The following VEPH1 variants were observed in gnomAD, a reference collection of about 807,000 sequenced individuals.
VEPH1 encodes the protein ventricular zone expressed PH domain containing 1.
A neutral mutation model predicts 85.2 loss-of-function variants in VEPH1; 80 were observed. The observed-to-expected ratio is 0.94, with a 90% CI of 0.78 to 1.13. The LOEUF (loss-of-function observed/expected upper bound fraction) is 1.13, where lower values mean the gene tolerates loss of function less well. VEPH1 is among the 50% of genes most tolerant of loss of function. VEPH1 has a pLI of 0.00. For synonymous variants in VEPH1, 297 were observed against 348.0 expected, an observed-to-expected ratio of 0.85 and a Z score of 1.63; for missense variants, 955 against 980.5, an observed-to-expected ratio of 0.97 and a Z score of 0.35.
chr3:157,466,297 G>A (rs1272855897), intron 3 of VEPH1, among the ~76,000 whole-genome samples: 1 of 152,108 alleles, frequency 6.6e-6, no homozygotes, highest in East Asian at 1.9e-4. Context: ...GCTGTACTTT[G>A]AATTAGGTAC....
chr3:157,265,616 C>G lies in VEPH1; in HGVS notation c.2175G>C (p.Glu725Asp). 1 of 1,613,676 alleles carries G rather than the reference C, an allele frequency of 6.2e-7. No homozygotes were observed. Among genetic ancestry groups the G allele is most frequent in the Non-Finnish European group, 8.5e-7 (1 of 1,179,744 alleles). ...GQPLIEGKLK[E>D]KQVRWKFIKR... ...TGATGAACTTCCATCTGACTTGCTT[C>G]TCTTTAAGTTTTCCTTCTATGAGAG... Residue 725 changes from glutamate to aspartate, a missense_variant, in exon 13 of 14, where the codon GAG becomes GAC. By Grantham distance (45) the Glu-to-Asp change is conservative. Transcript: ENST00000362010.
intron 4 of VEPH1, among the ~76,000 whole-genome samples, chr3:157,428,806 G>T (rs888955736): frequency 2.6e-5 from 4 of 152,100 alleles, no homozygotes; most frequent in African/African-American, 9.7e-5. Context: ...TTCCAATAAA[G>T]AATTCCTGAT....
intron 2 of VEPH1, among the ~76,000 whole-genome samples, chr3:157,481,000 T>C (rs188299009): frequency 6.6e-6 from 1 of 152,252 alleles, no homozygotes. Context: ...TTCTAGCTGG[T>C]ATGGGATAGT....
At chr3:157,354,358 C>T (rs1259130596) in intron 9 of VEPH1, among the ~76,000 whole-genome samples, 1 of 152,188 alleles carries the variant, frequency 6.6e-6, no homozygotes, top group African/African-American at 2.4e-5. Context: ...TTATCTGTCT[C>T]ATCCATCCAT....
At chr3:157,264,614 C>T (rs1350085803) in intron 13 of VEPH1, among the ~76,000 whole-genome samples, 1 of 152,128 alleles carries the variant, frequency 6.6e-6, no homozygotes, top group Non-Finnish European at 1.5e-5. Context: ...CCTTTCTCAC[C>T]TTATTAGCTT....
intron 6 of VEPH1, among the ~76,000 whole-genome samples, chr3:157,411,262 T>C (rs1054150292): frequency 6.6e-6 from 1 of 152,188 alleles, no homozygotes; most frequent in Non-Finnish European, 1.5e-5. Flanking sequence ...GACTTCGTTA[T>C]GTGTAAGAGA....
intron 7 of VEPH1, among the ~76,000 whole-genome samples, chr3:157,369,922 G>T (rs1185479206): frequency 6.6e-6 from 1 of 152,058 alleles, no homozygotes; most frequent in Admixed American, 6.5e-5. Context: ...ATAGAGTGGT[G>T]GGGGCAGGGG....
chr3:157,374,179 G>T (rs1057178064), intron 7 of VEPH1, among the ~76,000 whole-genome samples: 2 of 152,136 alleles, frequency 1.3e-5, no homozygotes, highest in African/African-American at 4.8e-5. Flanking sequence ...CCTTTTCCAT[G>T]CACAGAGGAG....
intron 6 of VEPH1, among the ~76,000 whole-genome samples, chr3:157,400,684 C>G (rs868235989): frequency 1.3e-5 from 2 of 152,134 alleles, no homozygotes; most frequent in Middle Eastern, 6.8e-3. Flanking sequence ...ACCCAAATCC[C>G]CCTCCATTTG....
chr3:157,416,469 G>A (rs1444746624), intron 5 of VEPH1, among the ~76,000 whole-genome samples: 1 of 152,152 alleles, frequency 6.6e-6, no homozygotes, highest in Non-Finnish European at 1.5e-5. Context: ...GAAGCCATGC[G>A]AGGTCCCTGG....
At chr3:157,420,561 A>G (rs985931186) in intron 5 of VEPH1, among the ~76,000 whole-genome samples, 5 of 152,216 alleles carry the variant, frequency 3.3e-5, no homozygotes, top group African/African-American at 9.7e-5. Context: ...CAAAAACCAT[A>G]GTTCTGCTCT....
At chr3:157,497,216 G>C (rs1227433874) in intron 1 of VEPH1, among the ~76,000 whole-genome samples, 1 of 152,142 alleles carries the variant, frequency 6.6e-6, no homozygotes, top group Non-Finnish European at 1.5e-5. Flanking sequence ...ATGAAGGTGT[G>C]AGCAGGGTTA....
chr3:157,297,143 T>C lies in VEPH1; in HGVS notation c.2011-10469A>G, dbSNP rs568823565. Among the ~76,000 whole-genome samples, 7 of 152,272 alleles carry C rather than the reference T, an allele frequency of 4.6e-5. No homozygotes were observed. The South Asian group carries it at 1.5e-3, about 32-fold the overall frequency. On this transcript the variant is annotated intron_variant, in intron 11 of 13. Transcript: ENST00000362010. The stretch of plus-strand genomic sequence containing the variant: ...TGATGATAATTCAAATCAAGCAAAA[T>C]AAGAAGCTCCTTTTTATGTGTGTAA...
At chr3:157,450,502 A>G (rs1017166297) in intron 4 of VEPH1, among the ~76,000 whole-genome samples, 2 of 151,784 alleles carry the variant, frequency 1.3e-5, no homozygotes, top group South Asian at 2.1e-4. Flanking sequence ...AAGTAGATAT[A>G]TTGGTATCCT....
intron 11 of VEPH1, 151 bp downstream of exon 11, chr3:157,313,470 G>A: frequency 2.0e-6 from 2 of 983,982 alleles, no homozygotes; most frequent in South Asian, 1.7e-5. Context: ...ACTATACCAC[G>A]TGAAAATAAT....
At chr3:157,441,090 G>A (rs760011198) in intron 4 of VEPH1, among the ~76,000 whole-genome samples, 12 of 152,188 alleles carry the variant, frequency 7.9e-5, no homozygotes, top group Non-Finnish European at 7.3e-5. Flanking sequence ...AAAGCCTAGA[G>A]GAAATTATGG....
At chr3:157,395,512 G>GA (rs1481146742) in intron 6 of VEPH1, among the ~76,000 whole-genome samples, 1 of 152,190 alleles carries the variant, frequency 6.6e-6, no homozygotes, top group Non-Finnish European at 1.5e-5. Context: ...TCCATTGTGT[G>GA]ATGACAGGAG....
In VEPH1 at chr3:157,334,500, T is replaced by A. The variant is rs142836823; in HGVS notation, c.1736-17299A>T. ...GCTGCTGTAACAACATGAACAGCCA[T>A]TAAGCTTGAGGAAGGTTGATTTCAT... On this transcript the variant is annotated intron_variant, in intron 9 of 13. Transcript: ENST00000362010. Among the ~76,000 whole-genome samples, 360 of 152,274 alleles carry A rather than the reference T, an allele frequency of 2.4e-3. 1 individual carries two copies. The highest frequency in any genetic ancestry group is 8.3e-3 in the African/African-American group (344 of 41,556).
chr3:157,283,306 T>A (rs1716378937), intron 12 of VEPH1, among the ~76,000 whole-genome samples: 2 of 152,190 alleles, frequency 1.3e-5, no homozygotes, highest in Admixed American at 6.5e-5. Context: ...CTTGCGAAAA[T>A]TACTTAATCT....
Sources: gnomAD v4.1 joint callset for allele counts (sites outside exome capture counted in the v4.1 genomes callset) on GRCh38, gnomAD v4.1.1 for gene constraint, MANE v1.5 for transcripts, NCBI Gene and HGNC (gene_info 2026-07-23, HGNC 2026-07-21) for gene names.